Variants in VAC14 observed in about 807,000 individuals in gnomAD.
VAC14 encodes the protein VAC14 component of PIKFYVE complex.
A neutral mutation model predicts 85.3 loss-of-function variants in VAC14; 47 were observed. The ratio of observed to expected loss-of-function variants is 0.55; its 90% CI spans 0.44 to 0.70. The LOEUF is 0.70. VAC14 is among the 30% of genes least tolerant of loss of function. VAC14 has a pLI of 0.00. For synonymous variants in VAC14, 447 were observed against 430.5 expected, an observed-to-expected ratio of 1.04 and a Z score of -0.47; for missense variants, 861 against 1,004.3, an observed-to-expected ratio of 0.86 and a Z score of 1.93.
At position 70,801,033 on chromosome 16, in the gene VAC14, A is replaced by G. The variant is rs2034781045; in HGVS notation, c.-133T>C. ...CCACGCCGCTCTAGGCTTGCCTGCC[A>G]CGCTCCGCCGCCTCGCCCTGGAACC... On this transcript the variant is annotated 5_prime_UTR_variant, in exon 1 of 19. Coordinates refer to ENST00000261776, the MANE Select transcript of VAC14 (RefSeq NM_018052.5). The G allele has an allele frequency of 1.8e-6, 1 of 546,030 alleles. No individual in the cohort carries two copies. The allele number at this position is 546,030 out of a possible 1,614,324, so 33.8% of individuals were successfully genotyped here.
chr16:70,756,058 C>T (rs1332014596), intron 12 of VAC14: 17 of 456,656 alleles, frequency 3.7e-5, no homozygotes, highest in African/African-American at 1.4e-4. Flanking sequence ...CACCTGACCA[C>T]GGTGACAAGG....
chr16:70,753,011 G>GGGGTGT (rs1486481327), intron 12 of VAC14, among the ~76,000 whole-genome samples: 3 of 142,982 alleles, frequency 2.1e-5, no homozygotes, highest in African/African-American at 7.9e-5. Context: ...AGGAGGAGGG[G>GGGGTGT]GTGTGTGTGT....
intron 1 of VAC14, among the ~76,000 whole-genome samples, chr16:70,787,854 A>G (rs929292465): frequency 6.6e-5 from 10 of 152,186 alleles, no homozygotes; most frequent in Non-Finnish European, 2.9e-5. Context: ...CAGTTAGAAG[A>G]ATAGATTTCA....
intron 13 of VAC14, among the ~76,000 whole-genome samples, chr16:70,733,284 T>C (rs1417944997): frequency 6.6e-6 from 1 of 152,186 alleles, no homozygotes; most frequent in East Asian, 1.9e-4. Flanking sequence ...ATCTATGTTG[T>C]AGTATGTATC....
chr16:70,707,334 CT>C (rs1172235343), intron 14 of VAC14, among the ~76,000 whole-genome samples: 4 of 152,156 alleles, frequency 2.6e-5, no homozygotes, highest in Non-Finnish European at 4.4e-5. Flanking sequence ...TTAAAAGTTT[CT>C]TGCAGGGAGT....
chr16:70,726,484 A>T (rs1212137464), intron 14 of VAC14, among the ~76,000 whole-genome samples: 1 of 152,266 alleles, frequency 6.6e-6, no homozygotes, highest in African/African-American at 2.4e-5. Flanking sequence ...AGACACAGCC[A>T]GCACTGGGGC....
chr16:70,692,791 C>T (rs780747478), intron 18 of VAC14, 30 bp downstream of exon 18: 62 of 1,582,748 alleles, frequency 3.9e-5, no homozygotes, highest in East Asian at 6.8e-5. Flanking sequence ...GCTCAGGGGG[C>T]GGGGGCAGCA....
intron 1 of VAC14, among the ~76,000 whole-genome samples, chr16:70,791,282 G>A (rs925736177): frequency 5.3e-5 from 8 of 152,214 alleles, no homozygotes; most frequent in African/African-American, 1.4e-4. Context: ...CGAAGTGAGC[G>A]CAGAAGGACT....
chr16:70,729,434 C>T (rs139247377), intron 14 of VAC14, among the ~76,000 whole-genome samples: 11 of 152,284 alleles, frequency 7.2e-5, no homozygotes, highest in South Asian at 2.1e-4. Context: ...CTCAATTCTG[C>T]GGCCCCATCC....
Position 70,789,491 on chromosome 16 carries a change from G to A in VAC14, c.105-3126C>T, listed in dbSNP as rs190940178. Among the ~76,000 whole-genome samples the A allele has an allele frequency of 1.1e-3, 163 of 152,286 alleles. 1 individual carries two copies. The highest frequency in any genetic ancestry group is 3.7e-3 in the African/African-American group (154 of 41,536). On this transcript the variant is annotated intron_variant, in intron 1 of 18. Transcript: ENST00000261776. ...GGGGTTAAAGGGAGGTGCGCACACAGCTGCTCACATCTGGGGCATTGGTGG... is the reference window on the plus strand; with the variant it reads ...GGGGTTAAAGGGAGGTGCGCACACAACTGCTCACATCTGGGGCATTGGTGG...
At chr16:70,781,054 C>G in intron 8 of VAC14, 115 bp from the exon 9 acceptor site, 1 of 1,443,642 alleles carries the variant, frequency 6.9e-7, no homozygotes, top group Non-Finnish European at 9.4e-7. Context: ...GGGTTTCGGT[C>G]ATGGGGGTGG....
intron 9 of VAC14, among the ~76,000 whole-genome samples, chr16:70,777,568 A>G (rs1173658697): frequency 1.3e-5 from 2 of 152,194 alleles, no homozygotes; most frequent in South Asian, 2.1e-4. Flanking sequence ...GCTCAGAACC[A>G]GGGAAACGGC....
At chr16:70,760,580 C>A (rs1045741565) in intron 12 of VAC14, among the ~76,000 whole-genome samples, 2 of 148,626 alleles carry the variant, frequency 1.3e-5, no homozygotes, top group Non-Finnish European at 1.5e-5. Flanking sequence ...AGTTTCCACA[C>A]CCTCCCCAGT....
chr16:70,773,201 G>A (rs1486419338), intron 9 of VAC14: 7 of 152,166 alleles, frequency 4.6e-5, no homozygotes, highest in African/African-American at 1.7e-4. Context: ...TTGATGTTGG[G>A]TGAATTGTGT....
intron 1 of VAC14, among the ~76,000 whole-genome samples, chr16:70,796,003 C>T (rs2034530676): frequency 6.6e-6 from 1 of 152,180 alleles, no homozygotes; most frequent in Non-Finnish European, 1.5e-5. Context: ...GGGAAGACAG[C>T]CTGGCATCTT....
Position 70,761,006 on chromosome 16 carries a change from TGTGTGTGTGTGTGCATGGGG to T in VAC14, c.1371+1514_1371+1533del, listed in dbSNP as rs1255271808. ...GTGTGTGTGTGTGTGTGTGTGTGTGTGTGTGTGTGTGTGCATGGGGGGGCGGGGGGTAGGCAGGAGAGGCC... is the reference window on the plus strand; with the variant it reads ...GTGTGTGTGTGTGTGTGTGTGTGTGTGGGCGGGGGGTAGGCAGGAGAGGCC... On this transcript the variant is annotated intron_variant, in intron 12 of 18. Coordinates refer to ENST00000261776, the MANE Select transcript of VAC14 (RefSeq NM_018052.5). 1.9e-4 allele frequency: 61 copies of T among 322,272 alleles called. 2 individuals carry two copies. In the African/African-American group the frequency reaches 2.1e-3, roughly 11 times the overall value. 20.0% of individuals were successfully genotyped at this position (322,272 alleles called of 1,614,324 possible).
chr16:70,701,821 G>A (rs1438119230), intron 14 of VAC14, among the ~76,000 whole-genome samples: 2 of 152,116 alleles, frequency 1.3e-5, no homozygotes, highest in African/African-American at 2.4e-5. Flanking sequence ...CTCCACTCAC[G>A]GCATTCTAGC....
intron 12 of VAC14, chr16:70,747,967 G>A (rs1440145524): frequency 6.7e-6 from 1 of 150,040 alleles, no homozygotes; most frequent in African/African-American, 2.5e-5. Flanking sequence ...TCCACCCTTC[G>A]AGTGGCTCCA....
At chr16:70,758,908 A>G (rs1332093483) in intron 12 of VAC14, among the ~76,000 whole-genome samples, 1 of 152,264 alleles carries the variant, frequency 6.6e-6, no homozygotes, top group Admixed American at 6.5e-5. Flanking sequence ...GTCTGCAAGG[A>G]GCAGGTGGTG....
Sources: gnomAD v4.1 joint callset for allele counts (sites outside exome capture counted in the v4.1 genomes callset) on GRCh38, gnomAD v4.1.1 for gene constraint, MANE v1.5 for transcripts, NCBI Gene and HGNC (gene_info 2026-07-23, HGNC 2026-07-21) for gene names.